DBX2: variants seen among roughly 807,000 people sequenced by gnomAD.
DBX2 encodes the protein homeobox protein DBX2.
Under a neutral mutation model 17.7 loss-of-function variants are expected in DBX2, and 16 were observed. That is an observed-to-expected ratio of 0.90 (90% CI 0.61 to 1.37). The LOEUF (loss-of-function observed/expected upper bound fraction) is 1.37, where lower values mean the gene tolerates loss of function less well. DBX2 is among the 40% of genes most tolerant of loss of function. DBX2 has a pLI of 0.00. For missense variants in DBX2, 538 were observed against 433.8 expected, an observed-to-expected ratio of 1.24 and a Z score of -2.13; for synonymous variants, 255 against 183.8, an observed-to-expected ratio of 1.39 and a Z score of -3.13.
intron 3 of DBX2, among the ~76,000 whole-genome samples, chr12:45,020,821 T>C (rs1300757732): frequency 1.3e-5 from 2 of 152,018 alleles, no homozygotes; most frequent in Admixed American, 6.6e-5. Flanking sequence ...ATGCAAGTGT[T>C]TGTGTTATTA....
At chr12:45,031,221 T>TGAGAGAGAGA (rs775544316) in intron 2 of DBX2, among the ~76,000 whole-genome samples, 4 of 64,048 alleles carry the variant, frequency 6.2e-5, no homozygotes, top group Non-Finnish European at 1.2e-4. Flanking sequence ...TGTGTGTGTG[T>TGAGAGAGAGA]GTGTGAGAGA....
intron 2 of DBX2, among the ~76,000 whole-genome samples, chr12:45,031,589 T>C (rs1190309015): frequency 6.6e-6 from 1 of 152,226 alleles, no homozygotes; most frequent in African/African-American, 2.4e-5. Flanking sequence ...CCAAAATTCC[T>C]GACTAGTCAT....
At chr12:45,042,961 T>C (rs1405462005) in intron 1 of DBX2, among the ~76,000 whole-genome samples, 2 of 152,136 alleles carry the variant, frequency 1.3e-5, no homozygotes, top group Non-Finnish European at 2.9e-5. Context: ...ATTAGACCGC[T>C]CTGAAAAAAT....
intron 1 of DBX2, among the ~76,000 whole-genome samples, chr12:45,047,515 T>C (rs1353390689): frequency 6.6e-6 from 1 of 152,114 alleles, no homozygotes; most frequent in African/African-American, 2.4e-5. Context: ...CTGTAAATAC[T>C]CAAACTTAAC....
chr12:45,042,604 G>T (rs1453892307), intron 1 of DBX2, among the ~76,000 whole-genome samples: 2 of 152,216 alleles, frequency 1.3e-5, no homozygotes, highest in Admixed American at 1.3e-4. Context: ...GCCAAACTAG[G>T]TAATTTCATT....
chr12:45,031,219 TGTGTGTGAGAGAGAGA>T (rs1293623303), intron 2 of DBX2, among the ~76,000 whole-genome samples: 885 of 87,564 alleles, frequency 0.01, 5 homozygotes, highest in African/African-American at 0.038. Flanking sequence ...TGTGTGTGTG[TGTGTGTGAGAGAGAGA>T]GAGAGAGAGA....
At position 45,023,822 on chromosome 12, in the gene DBX2, G is replaced by A. The variant is rs755378209; in HGVS notation, c.572C>T (p.Ala191Val). The A allele has an allele frequency of 5.0e-6, 8 of 1,610,746 alleles. No homozygotes were observed. In the East Asian group the frequency reaches 1.6e-4, roughly 31 times the overall value. The change falls in exon 3 of 4, where the codon GCT (alanine) becomes GTT (valine). Residue 191 changes from alanine to valine, a missense_variant. By Grantham distance (64) the Ala-to-Val change is moderately conservative (BLOSUM62 0). Coordinates refer to ENST00000332700, the MANE Select transcript of DBX2 (RefSeq NM_001004329.3). ...SKARRGILRRAVFSEDQRKAL... is the reference protein window; with the variant it reads ...SKARRGILRRVVFSEDQRKAL... Reference sequence around the variant, plus strand: ...CTTTCTCTGGTCCTCAGAAAAGACAGCTCTTCTTAAAATGCCCCTCCGAGC... The same window carrying A: ...CTTTCTCTGGTCCTCAGAAAAGACAACTCTTCTTAAAATGCCCCTCCGAGC...
chr12:45,034,109 TACACAC>T lies in DBX2; in HGVS notation c.499+1904_499+1909del, dbSNP rs566626549. On this transcript the variant is annotated intron_variant, in intron 2 of 3. Coordinates refer to ENST00000332700, the MANE Select transcript of DBX2 (RefSeq NM_001004329.3). ...TCTTCAAACGTCCCTATAAAATAAG[TACACAC>T]ACACACCCACACCCACACACACACA... Among the ~76,000 whole-genome samples the T allele has an allele frequency of 1.5e-3, 206 of 137,076 alleles. 1 individual carries two copies. Among genetic ancestry groups the T allele is most frequent in the African/African-American group, 5.0e-3 (192 of 38,136 alleles). 89.9% of individuals were successfully genotyped at this position (137,076 alleles called of 152,430 possible).
intron 1 of DBX2, among the ~76,000 whole-genome samples, chr12:45,037,868 T>C (rs1259795746): frequency 6.6e-6 from 1 of 152,098 alleles, no homozygotes; most frequent in East Asian, 1.9e-4. Context: ...TTAGGTTTTT[T>C]TTAAATACTT....
At chr12:45,020,132 C>A (rs1565580092) in intron 3 of DBX2, among the ~76,000 whole-genome samples, 2 of 152,078 alleles carry the variant, frequency 1.3e-5, no homozygotes, top group Non-Finnish European at 2.9e-5. Context: ...GCAACCATCA[C>A]CAATTTTAGA....
Position 45,047,642 on chromosome 12 carries a change from A to G in DBX2, c.403+2883T>C, listed in dbSNP as rs114169011. Among the ~76,000 whole-genome samples the G allele has an allele frequency of 5.2e-3, 796 of 152,250 alleles. 7 individuals are homozygous for G. The highest frequency in any genetic ancestry group is 0.018 in the African/African-American group (748 of 41,554). On this transcript the variant is annotated intron_variant, in intron 1 of 3. Coordinates refer to ENST00000332700, the MANE Select transcript of DBX2 (RefSeq NM_001004329.3). The stretch of plus-strand genomic sequence containing the variant: ...TATTTCATAACAAGAGGAAAGGGAA[A>G]GCTAATTTCTTCCATTATGGGCTGA...
intron 1 of DBX2, among the ~76,000 whole-genome samples, chr12:45,045,517 T>C (rs1029928094): frequency 6.6e-6 from 1 of 152,214 alleles, no homozygotes; most frequent in Non-Finnish European, 1.5e-5. Context: ...ATTTCTCTCA[T>C]CGTTCAGCAG....
At chr12:45,022,760 A>T (rs569972655) in intron 3 of DBX2, among the ~76,000 whole-genome samples, 1 of 151,962 alleles carries the variant, frequency 6.6e-6, no homozygotes, top group East Asian at 1.9e-4. Flanking sequence ...GCAACAGAAA[A>T]CTCAATCTGG....
intron 1 of DBX2, among the ~76,000 whole-genome samples, chr12:45,048,323 G>C (rs1473338295): frequency 6.6e-6 from 1 of 152,130 alleles, no homozygotes; most frequent in Non-Finnish European, 1.5e-5. Context: ...ATCAGATTTT[G>C]TGTTCCACTC....
At chr12:45,045,922 C>T (rs1946497565) in intron 1 of DBX2, among the ~76,000 whole-genome samples, 1 of 152,126 alleles carries the variant, frequency 6.6e-6, no homozygotes, top group Non-Finnish European at 1.5e-5. Context: ...AACCATCGTA[C>T]CCCTTAAAAT....
chr12:45,016,264 G>A lies in DBX2; in HGVS notation c.*22C>T. 1 of 1,530,360 alleles carries A rather than the reference G, an allele frequency of 6.5e-7. No homozygotes were observed. The allele number at this position is 1,530,360 out of a possible 1,614,324, so 94.8% of individuals were successfully genotyped here. ...GTTACTATTAAGCGTTCTTTTAAAT[G>A]AACACGGAGGAATGCTTCCATTCAG... On this transcript the variant is annotated 3_prime_UTR_variant, in exon 4 of 4. Transcript: ENST00000332700.
intron 1 of DBX2, among the ~76,000 whole-genome samples, chr12:45,046,820 A>C (rs1382860724): frequency 6.6e-6 from 1 of 152,196 alleles, no homozygotes; most frequent in African/African-American, 2.4e-5. Flanking sequence ...ACCGGATGCC[A>C]GAAAAAAAAA....
In DBX2 at chr12:45,050,892, C is replaced by G. The variant is rs1946529603; in HGVS notation, c.36G>C (p.Ala12=). ...LPSAVAAHAG[A]YWDVVASSAL... ...CGGAGGAAGCCACAACGTCCCAGTA[C>G]GCACCGGCGTGGGCTGCGACCGCGC... Residue 12 remains alanine (A), a synonymous_variant, in exon 1 of 4, where the codon GCG becomes GCC. Transcript: ENST00000332700. 2.6e-6 allele frequency: 4 copies of G among 1,521,354 alleles called. No individual in the cohort carries two copies. The highest frequency in any genetic ancestry group is 2.9e-5 in the African/African-American group (2 of 70,084). The allele number at this position is 1,521,354 out of a possible 1,614,324, so 94.2% of individuals were successfully genotyped here.
At chr12:45,023,046 C>A (rs1326565991) in intron 3 of DBX2, among the ~76,000 whole-genome samples, 1 of 152,154 alleles carries the variant, frequency 6.6e-6, no homozygotes, top group Admixed American at 6.5e-5. Context: ...ATAGGAAACT[C>A]CTAGTGCCTT....
Sources: gnomAD v4.1 joint callset for allele counts (sites outside exome capture counted in the v4.1 genomes callset) on GRCh38, gnomAD v4.1.1 for gene constraint, MANE v1.5 for transcripts, NCBI Gene and HGNC (gene_info 2026-07-23, HGNC 2026-07-21) for gene names.